FAM107A: variants seen among roughly 807,000 people sequenced by gnomAD.
FAM107A encodes actin-associated protein FAM107A.
FAM107A carries 19 observed loss-of-function variants against 13.7 expected under a neutral mutation model. The observed-to-expected ratio is 1.38, with a 90% CI of 0.97 to 2.03. FAM107A has a LOEUF of 2.03. FAM107A is among the 30% of genes most tolerant of loss of function. The pLI is 0.00. For synonymous variants in FAM107A, 82 were observed against 74.5 expected, an observed-to-expected ratio of 1.10 and a Z score of -0.52; for missense variants, 203 against 184.4, an observed-to-expected ratio of 1.10 and a Z score of -0.58.
intron 1 of FAM107A, among the ~76,000 whole-genome samples, chr3:58,615,349 T>C (rs886289924): frequency 2.0e-5 from 3 of 151,482 alleles, no homozygotes; most frequent in Admixed American, 6.6e-5. Flanking sequence ...CAGTCTTCTT[T>C]TCAATGTGCA....
chr3:58,566,479 G>T lies in FAM107A; in HGVS notation c.*109C>A. 1 of 775,546 alleles carries T rather than the reference G, an allele frequency of 1.3e-6. No individual in the cohort carries two copies. 48.0% of individuals were successfully genotyped at this position (775,546 alleles called of 1,614,324 possible). On this transcript the variant is annotated 3_prime_UTR_variant, in exon 4 of 4. Transcript: ENST00000360997. ...GACACATTTCTACAGAAGCAGGTGG[G>T]AACATCACAGACGTCCCAGGGCCTG...
upstream of FAM107A, among the ~76,000 whole-genome samples, chr3:58,581,900 G>T (rs1401273639): frequency 6.6e-6 from 1 of 152,220 alleles, no homozygotes; most frequent in Non-Finnish European, 1.5e-5. Flanking sequence ...GGACCCTGGG[G>T]TACCCCCATC....
At chr3:58,584,031 C>T (rs575612286) in intron 1 of FAM107A, among the ~76,000 whole-genome samples, 106 of 152,252 alleles carry the variant, frequency 7.0e-4, no homozygotes, top group African/African-American at 2.2e-3. Flanking sequence ...GGCTTCTCAA[C>T]GAAAGGAGTG....
rs187894805 is a variant in FAM107A at position 58,593,373 on chromosome 3, C to T, written c.-69-4104G>A. ...AAAAACTTGTCATCCCTACTATCTG[C>T]TGTCTAGTCATACTCCTATTCACCA... On this transcript the variant is annotated intron_variant, in intron 1 of 3. Transcript: ENST00000465970. Among the ~76,000 whole-genome samples the T allele has an allele frequency of 9.8e-5, 15 of 152,326 alleles. No individual in the cohort carries two copies. The East Asian group carries it at 2.7e-3, about 27-fold the overall frequency.
At chr3:58,602,341 C>A (rs184224986) in intron 1 of FAM107A, among the ~76,000 whole-genome samples, 1 of 152,110 alleles carries the variant, frequency 6.6e-6, no homozygotes, top group African/African-American at 2.4e-5. Flanking sequence ...TGTGAGGAAA[C>A]AGACACTCTG....
At chr3:58,571,637 C>T (rs887778113) in intron 1 of FAM107A, among the ~76,000 whole-genome samples, 5 of 152,186 alleles carry the variant, frequency 3.3e-5, no homozygotes, top group African/African-American at 1.2e-4. Flanking sequence ...GGATCAAGCT[C>T]TCTGGGTGCT....
chr3:58,591,384 C>T (rs900477476), upstream of FAM107A, among the ~76,000 whole-genome samples: 49 of 152,184 alleles, frequency 3.2e-4, no homozygotes, highest in African/African-American at 1.1e-3. The surrounding 1 kb of genome is among the most constrained non-coding windows in gnomAD (Gnocchi z 4.3). Context: ...GCAAAGGTTC[C>T]GAGCTGGGCT....
intron 1 of FAM107A, among the ~76,000 whole-genome samples, chr3:58,585,060 A>C (rs963175672): frequency 4.6e-5 from 7 of 152,302 alleles, no homozygotes; most frequent in South Asian, 4.1e-4. Context: ...CAGGGATATT[A>C]AGTGCTTGTC....
At chr3:58,606,381 C>G (rs2065795104) in intron 1 of FAM107A, among the ~76,000 whole-genome samples, 1 of 152,208 alleles carries the variant, frequency 6.6e-6, no homozygotes, top group Non-Finnish European at 1.5e-5. Context: ...CAGGTGTGAG[C>G]CACCATGCCC....
chr3:58,626,789 C>T (rs1278793546), intron 1 of FAM107A, among the ~76,000 whole-genome samples: 1 of 152,170 alleles, frequency 6.6e-6, no homozygotes, highest in Non-Finnish European at 1.5e-5. Flanking sequence ...AGATAGGACA[C>T]TGGTTCTTCC....
chr3:58,572,913 A>C (rs1201937833), intron 1 of FAM107A: 1 of 152,186 alleles, frequency 6.6e-6, no homozygotes. Context: ...GTTGTCTTGA[A>C]ATTCCAAATG....
At position 58,601,767 on chromosome 3, in the gene FAM107A, A is replaced by G. The variant is rs2108071695; in HGVS notation, c.-69-12498T>C. 3.9e-5 allele frequency among the ~76,000 whole-genome samples: 6 copies of G among 152,370 alleles called. No individual in the cohort carries two copies. In the South Asian group the frequency reaches 1.2e-3, roughly 32 times the overall value. ...CTCAAAAGTACTGGATTTTAAAGGA[A>G]TATTCTGACAAGTTCTTCTGAAAAG... On this transcript the variant is annotated intron_variant, in intron 1 of 3. Coordinates refer to the FAM107A transcript ENST00000465970.
intron 1 of FAM107A, among the ~76,000 whole-genome samples, chr3:58,595,568 T>TA (rs146522752): frequency 0.23 from 34,498 of 152,024 alleles, 4,588 homozygotes; most frequent in South Asian, 0.48. Context: ...CCCCTGCCTG[T>TA]AAAAAATTGC....
At chr3:58,581,548 C>T (rs1419176496), upstream of FAM107A, among the ~76,000 whole-genome samples, 1 of 152,094 alleles carries the variant, frequency 6.6e-6, no homozygotes, top group African/African-American at 2.4e-5. Flanking sequence ...TTTTCAAGGC[C>T]TCAATGGGGT....
In FAM107A at chr3:58,613,037, G is replaced by A. The variant is rs1399786112; in HGVS notation, c.-70+14379C>T. On this transcript the variant is annotated intron_variant, in intron 1 of 3. Transcript: ENST00000465970. The surrounding 1 kb of genome is among the most constrained non-coding windows in gnomAD (Gnocchi z 4.6). Reference sequence around the variant, plus strand: ...TGTCCTTCCCGTTACCTCCTCCAATGGGGCTTCAGTCACCACCTCTCTGGA... The same window carrying A: ...TGTCCTTCCCGTTACCTCCTCCAATAGGGCTTCAGTCACCACCTCTCTGGA... Among the ~76,000 whole-genome samples, 1 of 152,112 alleles carries A rather than the reference G, an allele frequency of 6.6e-6. No homozygotes were observed. Among genetic ancestry groups the A allele is most frequent in the African/African-American group, 2.4e-5 (1 of 41,410 alleles).
intron 1 of FAM107A, chr3:58,627,059 G>T: frequency 6.7e-7 from 1 of 1,495,672 alleles, no homozygotes; most frequent in Non-Finnish European, 9.0e-7. Flanking sequence ...CCCTGCTGGC[G>T]TTGATCTCAG....
chr3:58,585,040 G>C (rs2065589346), intron 1 of FAM107A, among the ~76,000 whole-genome samples: 1 of 152,222 alleles, frequency 6.6e-6, no homozygotes, highest in African/African-American at 2.4e-5. Context: ...GAGTGGTGCA[G>C]GGAAGGAGCC....
chr3:58,608,576 G>A (rs1229093092), intron 1 of FAM107A, among the ~76,000 whole-genome samples: 1 of 152,204 alleles, frequency 6.6e-6, no homozygotes, highest in African/African-American at 2.4e-5. Flanking sequence ...AGAGAAGCTG[G>A]GGCCAAAGTC....
chr3:58,614,489 C>A (rs982706844), intron 1 of FAM107A, among the ~76,000 whole-genome samples: 1 of 150,196 alleles, frequency 6.7e-6, no homozygotes, highest in African/African-American at 2.5e-5. Context: ...GATTCAATTT[C>A]TTATCTTTCT....
Sources: allele counts gnomAD v4.1 joint callset (sites outside exome capture counted in the v4.1 genomes callset), GRCh38; gene constraint gnomAD v4.1.1; non-coding constraint Gnocchi (gnomAD v3.1); transcripts MANE v1.5; gene names NCBI Gene and HGNC (gene_info 2026-07-23, HGNC 2026-07-21).